The following PCDH9 variants were observed in gnomAD, a reference collection of about 807,000 sequenced individuals.
The protein encoded by PCDH9 is protocadherin 9, also known as protocadherin-9.
Under a neutral mutation model 70.6 loss-of-function variants are expected in PCDH9, and 24 were observed. The ratio of observed to expected loss-of-function variants is 0.34; its 90% CI spans 0.25 to 0.48. The LOEUF (loss-of-function observed/expected upper bound fraction) is 0.48. Ranked by LOEUF, PCDH9 falls within the 20% of genes least tolerant of loss-of-function variation. The pLI is 0.99. For missense variants in PCDH9, 1,281 were observed against 1,503.6 expected (o/e 0.85, Z 2.45); for synonymous variants, 562 against 558.5 (o/e 1.01, Z -0.09).
rs551154281 is a variant in PCDH9 at position 67,020,190 on chromosome 13, GA to G, written c.3037-116586del. Among the ~76,000 whole-genome samples, 778 of 151,886 alleles carry G rather than the reference GA, an allele frequency of 5.1e-3. 3 individuals carry two copies. The highest frequency in any genetic ancestry group is 0.017 in the African/African-American group (717 of 41,402). On this transcript the variant is annotated intron_variant, in intron 2 of 4. Coordinates refer to ENST00000377865, the MANE Select transcript of PCDH9 (RefSeq NM_203487.3). ...CTTACAAACAGAATCTATCTATGGG[GA>G]AAAAAAGCAAAATAAACAACACAAC...
chr13:67,136,975 CTACAT>C (rs2087247386), intron 2 of PCDH9, among the ~76,000 whole-genome samples: 2 of 151,560 alleles, frequency 1.3e-5, no homozygotes, highest in Non-Finnish European at 2.9e-5. Context: ...TGAAAATTAT[CTACAT>C]TAGGTTTATC....
At chr13:66,450,886 C>CG (rs1453148107) in intron 4 of PCDH9, among the ~76,000 whole-genome samples, 3 of 151,980 alleles carry the variant, frequency 2.0e-5, no homozygotes, top group Non-Finnish European at 1.5e-5. Context: ...GGCGTGGTGG[C>CG]GGCCCCTGTA....
chr13:66,587,567 A>G (rs1053325614), intron 4 of PCDH9, among the ~76,000 whole-genome samples: 1 of 151,918 alleles, frequency 6.6e-6, no homozygotes, highest in Non-Finnish European at 1.5e-5. Flanking sequence ...GAGAACATCA[A>G]TGTCTGTTTT....
chr13:66,450,782 G>A (rs568875441), intron 4 of PCDH9, among the ~76,000 whole-genome samples: 35 of 152,262 alleles, frequency 2.3e-4, no homozygotes, highest in African/African-American at 6.5e-4. Flanking sequence ...TTGGGAGGCC[G>A]AGGCGGGCAG....
At chr13:67,179,381 G>A (rs1052049323) in intron 2 of PCDH9, among the ~76,000 whole-genome samples, 2 of 152,020 alleles carry the variant, frequency 1.3e-5, no homozygotes, top group Non-Finnish European at 2.9e-5. Flanking sequence ...AATAGTTAAA[G>A]GTGCTTGTCA....
At chr13:66,881,583 C>T (rs1186408791) in intron 3 of PCDH9, among the ~76,000 whole-genome samples, 2 of 152,006 alleles carry the variant, frequency 1.3e-5, no homozygotes, top group Admixed American at 1.3e-4. Context: ...TCATATCATT[C>T]AATAAGGGAT....
At chr13:67,024,952 G>A (rs1003700565) in intron 2 of PCDH9, among the ~76,000 whole-genome samples, 15 of 152,056 alleles carry the variant, frequency 9.9e-5, no homozygotes, top group Non-Finnish European at 1.5e-4. Flanking sequence ...TTACATAAAT[G>A]AAAATATTAA....
At chr13:66,579,818 C>G (rs2076865353) in intron 4 of PCDH9, among the ~76,000 whole-genome samples, 2 of 151,962 alleles carry the variant, frequency 1.3e-5, no homozygotes. Flanking sequence ...TAGAATTCAT[C>G]TCAGATCTAT....
At chr13:66,686,377 G>C (rs1357348472) in intron 3 of PCDH9, among the ~76,000 whole-genome samples, 1 of 152,076 alleles carries the variant, frequency 6.6e-6, no homozygotes, top group Admixed American at 6.6e-5. Flanking sequence ...TAAGTTTCCT[G>C]AGGCCTCCCC....
intron 4 of PCDH9, among the ~76,000 whole-genome samples, chr13:66,387,008 T>G (rs1166261111): frequency 1.3e-5 from 2 of 152,128 alleles, no homozygotes; most frequent in East Asian, 3.9e-4. Flanking sequence ...CACAAAAAAA[T>G]CAAGCCTGTA....
At chr13:66,949,122 G>T (rs1041773308) in intron 2 of PCDH9, among the ~76,000 whole-genome samples, 1 of 152,050 alleles carries the variant, frequency 6.6e-6, no homozygotes, top group African/African-American at 2.4e-5. Flanking sequence ...AGTGACAAAA[G>T]CTTTCTGGGT....
intron 4 of PCDH9, among the ~76,000 whole-genome samples, chr13:66,331,991 T>C (rs1486422946): frequency 6.6e-6 from 1 of 152,112 alleles, no homozygotes; most frequent in East Asian, 1.9e-4. Flanking sequence ...TTAAAGTAAC[T>C]GCAGATTGTG....
chr13:66,939,283 A>G (rs1163637880), intron 2 of PCDH9, among the ~76,000 whole-genome samples: 1 of 152,192 alleles, frequency 6.6e-6, no homozygotes. Flanking sequence ...ATGAAGTTCA[A>G]TTTAAAAACC....
intron 4 of PCDH9, among the ~76,000 whole-genome samples, chr13:66,307,292 T>C (rs912486057): frequency 1.3e-5 from 2 of 152,074 alleles, no homozygotes; most frequent in African/African-American, 4.8e-5. Context: ...TTCTTCACAG[T>C]GCTAAACAAT....
chr13:66,981,517 C>T (rs1379017633), intron 2 of PCDH9, among the ~76,000 whole-genome samples: 2 of 151,242 alleles, frequency 1.3e-5, no homozygotes, highest in African/African-American at 4.9e-5. Flanking sequence ...TTTAGTTTTC[C>T]TTCATTATTT....
intron 4 of PCDH9, among the ~76,000 whole-genome samples, chr13:66,565,453 A>C (rs1182384417): frequency 1.3e-5 from 2 of 152,226 alleles, no homozygotes; most frequent in African/African-American, 4.8e-5. Context: ...CCTGGAATGA[A>C]CTTCCTCAGT....
chr13:66,964,287 C>G (rs2083397005), intron 2 of PCDH9, among the ~76,000 whole-genome samples: 1 of 151,492 alleles, frequency 6.6e-6, no homozygotes, highest in Non-Finnish European at 1.5e-5. Flanking sequence ...TTGTTACTTC[C>G]TCTAAGACAA....
chr13:66,712,284 A>G (rs2078805141), intron 3 of PCDH9, among the ~76,000 whole-genome samples: 1 of 152,162 alleles, frequency 6.6e-6, no homozygotes, highest in South Asian at 2.1e-4. Flanking sequence ...ACATTGAATG[A>G]AAAAACGGTT....
chr13:66,385,421 T>C (rs1956912162), intron 4 of PCDH9, among the ~76,000 whole-genome samples: 1 of 152,138 alleles, frequency 6.6e-6, no homozygotes, highest in Non-Finnish European at 1.5e-5. Context: ...TTGTAATTTT[T>C]TCTCATGCCT....
Sources: gnomAD v4.1 joint callset for allele counts (sites outside exome capture counted in the v4.1 genomes callset) on GRCh38, gnomAD v4.1.1 for gene constraint, MANE v1.5 for transcripts, NCBI Gene and HGNC (gene_info 2026-07-23, HGNC 2026-07-21) for gene names.